NUMB: variants seen among roughly 807,000 people sequenced by gnomAD.
NUMB encodes the protein NUMB endocytic adaptor protein, also known as protein numb homolog.
In NUMB, 29 loss-of-function variants were observed where a neutral mutation model predicts 59.7. That is an observed-to-expected ratio of 0.49 (90% CI 0.36 to 0.66). NUMB has a LOEUF of 0.66. NUMB is among the 30% of genes least tolerant of loss of function. NUMB has a pLI of 0.00. For missense variants in NUMB, 723 were observed against 822.0 expected, an observed-to-expected ratio of 0.88 and a Z score of 1.47; for synonymous variants, 288 against 288.2, an observed-to-expected ratio of 1.00 and a Z score of 0.01.
chr14:73,382,467 C>A (rs1259426904), intron 2 of NUMB, among the ~76,000 whole-genome samples: 2 of 150,724 alleles, frequency 1.3e-5, no homozygotes. Flanking sequence ...AAAAAGTAAG[C>A]AGAACTTTAG....
intron 6 of NUMB, among the ~76,000 whole-genome samples, chr14:73,310,304 C>T (rs183664085): frequency 1.2e-4 from 19 of 152,224 alleles, no homozygotes; most frequent in African/African-American, 4.6e-4. Flanking sequence ...GCCAGGTCTG[C>T]TAATTCTTAA....
chr14:73,437,004 T>C (rs114703934), intron 1 of NUMB, among the ~76,000 whole-genome samples: 1 of 147,912 alleles, frequency 6.8e-6, no homozygotes, highest in East Asian at 2.0e-4. Flanking sequence ...AAAAAGAAAC[T>C]CTTAAATATA....
intron 2 of NUMB, among the ~76,000 whole-genome samples, chr14:73,367,324 T>TAC (rs1566763813): frequency 2.3e-5 from 2 of 86,454 alleles, no homozygotes; most frequent in African/African-American, 9.7e-5. Context: ...CACACACACA[T>TAC]ATATACATAT....
intron 2 of NUMB, among the ~76,000 whole-genome samples, chr14:73,395,913 G>A (rs559796402): frequency 2.0e-5 from 3 of 152,322 alleles, no homozygotes; most frequent in South Asian, 4.1e-4. Flanking sequence ...TACAGACACA[G>A]CTGAAAGAGA....
intron 1 of NUMB, among the ~76,000 whole-genome samples, chr14:73,452,557 G>C (rs549313598): frequency 1.1e-4 from 16 of 152,124 alleles, no homozygotes; most frequent in Non-Finnish European, 2.1e-4. Flanking sequence ...CAAACAAGTG[G>C]GGAGAAACAG....
intron 5 of NUMB, among the ~76,000 whole-genome samples, chr14:73,317,673 A>G (rs1252789218): frequency 3.3e-5 from 5 of 152,202 alleles, no homozygotes; most frequent in Non-Finnish European, 7.3e-5. Flanking sequence ...AACTATCTGG[A>G]TAACAGAGGC....
At chr14:73,349,801 C>T (rs1461291036) in intron 4 of NUMB, among the ~76,000 whole-genome samples, 4 of 151,950 alleles carry the variant, frequency 2.6e-5, no homozygotes, top group Non-Finnish European at 5.9e-5. Context: ...ATCGCGTGAA[C>T]CCGGGAGGCA....
chr14:73,352,893 C>T (rs1244279200), intron 4 of NUMB, among the ~76,000 whole-genome samples: 1 of 150,946 alleles, frequency 6.6e-6, no homozygotes, highest in African/African-American at 2.4e-5. Context: ...GTTTCCCTCA[C>T]AAGAAGACTG....
At chr14:73,379,563 G>C (rs908221467) in intron 2 of NUMB, among the ~76,000 whole-genome samples, 1 of 152,218 alleles carries the variant, frequency 6.6e-6, no homozygotes, top group Non-Finnish European at 1.5e-5. Flanking sequence ...GAACAGGGTA[G>C]AAAGGAGGCG....
chr14:73,302,187 A>G lies in NUMB; in HGVS notation c.235-4902T>C, dbSNP rs532880225. On this transcript the variant is annotated intron_variant, in intron 6 of 12. Transcript: ENST00000555238. ...TAAGGAATCATATTTGTCATATTTC[A>G]TGGCCTCTGATCTCTCTGAAGAGGG... Among the ~76,000 whole-genome samples the G allele has an allele frequency of 1.9e-4, 29 of 152,326 alleles. 1 individual carries two copies. In the South Asian group the frequency reaches 6.0e-3, roughly 32 times the overall value.
At chr14:73,372,602 T>C (rs1438584152) in intron 2 of NUMB, among the ~76,000 whole-genome samples, 1 of 151,348 alleles carries the variant, frequency 6.6e-6, no homozygotes, top group Non-Finnish European at 1.5e-5. Flanking sequence ...TTTCCATATA[T>C]AAAACTCCTT....
At chr14:73,418,696 G>A (rs958781370) in intron 1 of NUMB, among the ~76,000 whole-genome samples, 1 of 151,886 alleles carries the variant, frequency 6.6e-6, no homozygotes, top group Non-Finnish European at 1.5e-5. Context: ...GCTTGAACCC[G>A]GGAGGCGGAG....
chr14:73,417,337 C>T (rs755298894), intron 1 of NUMB, among the ~76,000 whole-genome samples: 14 of 152,124 alleles, frequency 9.2e-5, no homozygotes, highest in Non-Finnish European at 1.8e-4. Context: ...CACTCCTAGA[C>T]GCTACCATGG....
At chr14:73,352,784 T>C (rs1236542415) in intron 4 of NUMB, among the ~76,000 whole-genome samples, 1 of 149,136 alleles carries the variant, frequency 6.7e-6, no homozygotes, top group African/African-American at 2.4e-5. Flanking sequence ...CCTCGTGATC[T>C]GCCCGCCCTG....
chr14:73,338,396 C>G (rs1451517321), intron 4 of NUMB, among the ~76,000 whole-genome samples: 1 of 152,178 alleles, frequency 6.6e-6, no homozygotes, highest in Admixed American at 6.5e-5. Context: ...TATCCAGAAT[C>G]TGACCCTGTC....
intron 1 of NUMB, among the ~76,000 whole-genome samples, chr14:73,420,336 T>C (rs1003959765): frequency 6.6e-6 from 1 of 152,188 alleles, no homozygotes; most frequent in Non-Finnish European, 1.5e-5. Context: ...TGTCTTCAAC[T>C]GTGAAAATGA....
chr14:73,291,808 C>T (rs912240164), intron 8 of NUMB, among the ~76,000 whole-genome samples: 5 of 151,808 alleles, frequency 3.3e-5, no homozygotes, highest in South Asian at 4.2e-4. Flanking sequence ...CTCAGCCTCC[C>T]GAGTAGCTGG....
At position 73,297,295 on chromosome 14, in the gene NUMB, G is replaced by T. The variant is rs1231663806; in HGVS notation, c.235-10C>A. On this transcript the variant is annotated splice_polypyrimidine_tract_variant and intron_variant, in intron 6 of 12. Transcript: ENST00000555238. ...CTGCTTTCTTTCCAGTCTTTTAAGAGAAACCAAAAAGGGGAGGGGGAGATA... is the reference window on the plus strand; with the variant it reads ...CTGCTTTCTTTCCAGTCTTTTAAGATAAACCAAAAAGGGGAGGGGGAGATA... 1.9e-6 allele frequency: 3 copies of T among 1,576,122 alleles called. No individual in the cohort carries two copies. Among genetic ancestry groups the T allele is most frequent in the South Asian group, 2.2e-5 (2 of 89,924 alleles).
At chr14:73,325,627 C>T (rs1891620522) in intron 4 of NUMB, among the ~76,000 whole-genome samples, 1 of 152,166 alleles carries the variant, frequency 6.6e-6, no homozygotes, top group African/African-American at 2.4e-5. Context: ...CAGCTTCTTC[C>T]TTTTAGGTTG....
Sources: allele counts gnomAD v4.1 joint callset (sites outside exome capture counted in the v4.1 genomes callset), GRCh38; gene constraint gnomAD v4.1.1; transcripts MANE v1.5; gene names NCBI Gene and HGNC (gene_info 2026-07-23, HGNC 2026-07-21).